SOX6: variants seen among roughly 807,000 people sequenced by gnomAD.
SOX6 encodes the protein SRY-box transcription factor 6.
Under a neutral mutation model 97.8 loss-of-function variants are expected in SOX6, and 11 were observed. That is an observed-to-expected ratio of 0.11 (90% CI 0.07 to 0.19). SOX6 has a LOEUF of 0.19. Among genes scored for constraint, SOX6 ranks in the 10% least tolerant of loss-of-function variants. The pLI, the probability that SOX6 is intolerant of heterozygous loss-of-function variation, is 1.00. For synonymous variants in SOX6, 360 were observed against 371.4 expected (o/e 0.97, Z 0.35); for missense variants, 810 against 1,039.5 (o/e 0.78, Z 3.04).
intron 6 of SOX6, among the ~76,000 whole-genome samples, chr11:16,132,101 T>G (rs1483225594): frequency 1.3e-5 from 2 of 151,586 alleles, no homozygotes. Flanking sequence ...CCATTTTATA[T>G]ATGAGATGAC....
At chr11:16,577,464 C>A (rs746763098) in intron 4 of SOX6, among the ~76,000 whole-genome samples, 6 of 152,004 alleles carry the variant, frequency 3.9e-5, no homozygotes, top group Non-Finnish European at 7.4e-5. Context: ...CATATAGTAA[C>A]GCTGTGTTTT....
At chr11:15,997,949 G>A (rs1323667194) in intron 13 of SOX6, among the ~76,000 whole-genome samples, 1 of 151,844 alleles carries the variant, frequency 6.6e-6, no homozygotes, top group Admixed American at 6.6e-5. Flanking sequence ...GCATGGTGGC[G>A]TGTGCCTGTA....
In SOX6 at chr11:16,613,859, G is replaced by C. The variant is rs923029298; in HGVS notation, n.430-1599C>G. Among the ~76,000 whole-genome samples the C allele has an allele frequency of 6.6e-6, 1 of 152,156 alleles. No individual in the cohort carries two copies. The highest frequency in any genetic ancestry group is 1.9e-4 in the East Asian group (1 of 5,166). On this transcript the variant is annotated intron_variant and non_coding_transcript_variant, in intron 3 of 5. Transcript: ENST00000524520. This position sits in a 1 kb window ranked among gnomAD's most constrained non-coding sequence, Gnocchi z 4.6. ...TCGAGGGGAAGACTGCGCCCAGCTA[G>C]GGGCTGTAGAGACGAACCCAGCTGA... is the stretch of plus-strand genomic sequence containing the variant.
chr11:16,042,496 T>C (rs1855697945), intron 12 of SOX6, among the ~76,000 whole-genome samples: 1 of 152,176 alleles, frequency 6.6e-6, no homozygotes, highest in African/African-American at 2.4e-5. Context: ...CAATGTAAAA[T>C]GTAAGATATC....
intron 1 of SOX6, among the ~76,000 whole-genome samples, chr11:16,454,001 T>C (rs1001159560): frequency 6.6e-6 from 1 of 152,278 alleles, no homozygotes; most frequent in Admixed American, 6.5e-5. Flanking sequence ...TGGAACTTTA[T>C]AAACATGCAT....
intron 1 of SOX6, among the ~76,000 whole-genome samples, chr11:16,446,363 A>C (rs1209223990): frequency 1.3e-5 from 2 of 152,112 alleles, no homozygotes; most frequent in Non-Finnish European, 2.9e-5. Context: ...GTTTGGAGAG[A>C]GGGAAAAAGA....
rs571008583 is a variant in SOX6 at position 16,112,619 on chromosome 11, A to G, written c.778-696T>C. Among the ~76,000 whole-genome samples, 12 of 152,320 alleles carry G rather than the reference A, an allele frequency of 7.9e-5. No individual in the cohort carries two copies. In the East Asian group the frequency reaches 2.1e-3, roughly 27 times the overall value. On this transcript the variant is annotated intron_variant, in intron 6 of 15. Transcript: ENST00000683767. ...AGAACATTTCATAATAAATCCTACT[A>G]TATCAAATTTCATTTGACCTCAATA...
chr11:16,380,727 G>C (rs1331452550), intron 1 of SOX6, among the ~76,000 whole-genome samples: 1 of 151,978 alleles, frequency 6.6e-6, no homozygotes, highest in Non-Finnish European at 1.5e-5. Flanking sequence ...TTGCAAATGA[G>C]ACATAAAAAG....
chr11:16,461,985 C>T (rs1859939827), intron 1 of SOX6, among the ~76,000 whole-genome samples: 1 of 152,216 alleles, frequency 6.6e-6, no homozygotes, highest in South Asian at 2.1e-4. Context: ...TCCAATGCAG[C>T]ATCTAATGCT....
intron 1 of SOX6, among the ~76,000 whole-genome samples, chr11:16,427,527 T>A (rs1859170174): frequency 6.6e-6 from 1 of 151,480 alleles, no homozygotes; most frequent in African/African-American, 2.4e-5. Context: ...CCCCTTCCTG[T>A]GTCCATGTGT....
upstream of SOX6, among the ~76,000 whole-genome samples, chr11:16,361,409 TAGAA>T (rs1214423707): frequency 2.2e-4 from 34 of 152,264 alleles, no homozygotes; most frequent in African/African-American, 7.9e-4. Flanking sequence ...CTGGAAAAGA[TAGAA>T]AGAAGAGTCT....
rs533576672 is a variant in SOX6, at chr11:16,664,113, CA to C, written n.429+50716del. Among the ~76,000 whole-genome samples the C allele has an allele frequency of 3.3e-5, 5 of 152,082 alleles. No homozygotes were observed. In the South Asian group the frequency reaches 1.0e-3, roughly 32 times the overall value. On this transcript the variant is annotated intron_variant and non_coding_transcript_variant, in intron 3 of 5. Transcript: ENST00000524520. ...CCTCATCTCTAAAAACAAAACAAAA[CA>C]AAAACAAACAAACAAACAAAAAACA...
chr11:16,600,466 G>A (rs1848255413), intron 4 of SOX6, among the ~76,000 whole-genome samples: 1 of 152,124 alleles, frequency 6.6e-6, no homozygotes, highest in African/African-American at 2.4e-5. Context: ...AGGTTTTAGG[G>A]TTTCATGTTC....
chr11:16,582,610 TC>T (rs1848041722), intron 4 of SOX6, among the ~76,000 whole-genome samples: 1 of 150,470 alleles, frequency 6.6e-6, no homozygotes, highest in Non-Finnish European at 1.5e-5. Flanking sequence ...CCAAAAGATC[TC>T]AAAAAAAAAC....
chr11:16,416,721 A>G (rs1242337933), intron 1 of SOX6, among the ~76,000 whole-genome samples: 1 of 152,164 alleles, frequency 6.6e-6, no homozygotes, highest in Non-Finnish European at 1.5e-5. Context: ...TTCATTCAAC[A>G]AATATTTATT....
At chr11:16,072,382 A>C (rs7128209) in intron 9 of SOX6, among the ~76,000 whole-genome samples, 3,654 of 152,282 alleles carry the variant, frequency 0.024, 146 homozygotes, top group African/African-American at 0.083. Context: ...TAACTCAGTC[A>C]GACAAAAACA....
intron 6 of SOX6, among the ~76,000 whole-genome samples, chr11:16,121,923 T>A (rs1415069544): frequency 6.6e-6 from 1 of 152,038 alleles, no homozygotes; most frequent in Non-Finnish European, 1.5e-5. Flanking sequence ...ATCTTGTCAA[T>A]TAAATATTAT....
chr11:16,358,954 A>G (rs537462235), upstream of SOX6, among the ~76,000 whole-genome samples: 1 of 152,310 alleles, frequency 6.6e-6, no homozygotes, highest in African/African-American at 2.4e-5. Context: ...GTCAAGTACC[A>G]TACTGACTGC....
chr11:16,062,592 A>G (rs988020099), intron 9 of SOX6, among the ~76,000 whole-genome samples: 1 of 151,702 alleles, frequency 6.6e-6, no homozygotes, highest in Non-Finnish European at 1.5e-5. Flanking sequence ...TCCTGTTTCA[A>G]TTTTGAAAAA....
Sources: allele counts gnomAD v4.1 joint callset (sites outside exome capture counted in the v4.1 genomes callset), GRCh38; gene constraint gnomAD v4.1.1; non-coding constraint Gnocchi (gnomAD v3.1); transcripts MANE v1.5; gene names NCBI Gene and HGNC (gene_info 2026-07-23, HGNC 2026-07-21).